HELZ: variants seen among roughly 807,000 people sequenced by gnomAD.
HELZ encodes the protein helicase with zinc finger.
HELZ carries 23 observed loss-of-function variants against 218.2 expected under a neutral mutation model. The ratio of observed to expected loss-of-function variants is 0.11; its 90% CI spans 0.08 to 0.15. The LOEUF is 0.15. Ranked by LOEUF, HELZ falls within the 10% of genes least tolerant of loss-of-function variation. The pLI is 1.00. For missense variants in HELZ, 1,813 were observed against 2,353.7 expected (o/e 0.77, Z 4.75); for synonymous variants, 814 against 829.4 (o/e 0.98, Z 0.32).
At chr17:67,207,404 G>C (rs185407200) in intron 5 of HELZ, among the ~76,000 whole-genome samples, 27 of 151,446 alleles carry the variant, frequency 1.8e-4, no homozygotes, top group Admixed American at 5.3e-4. Context: ...ATTTTTAGTA[G>C]AGACAGGTCT....
intron 31 of HELZ, among the ~76,000 whole-genome samples, chr17:67,089,694 G>GAGAGAGAGAGAGAC (rs776184027): frequency 0.027 from 2,693 of 99,482 alleles, 58 homozygotes; most frequent in East Asian, 0.084. Context: ...GAGAGAGAGA[G>GAGAGAGAGAGAGAC]AGAGAGACAG....
At chr17:67,160,435 A>C in intron 16 of HELZ, 73 bp from the exon 17 acceptor site, 3 of 985,790 alleles carry the variant, frequency 3.0e-6, no homozygotes, top group Non-Finnish European at 4.7e-6. Context: ...ATACCAAAAA[A>C]AAAAGCAGTG....
chr17:67,240,123 T>C (rs146585533), intron 2 of HELZ, among the ~76,000 whole-genome samples: 102 of 152,356 alleles, frequency 6.7e-4, no homozygotes, highest in African/African-American at 2.4e-3. Flanking sequence ...AAGAACTAAC[T>C]GTTTTCATGT....
chr17:67,218,667 C>G lies in HELZ; in HGVS notation c.138G>C (p.Gly46=). The change falls in exon 4 of 33, where the codon GGG becomes GGC. Residue 46 remains glycine, a synonymous_variant. Coordinates refer to ENST00000358691, the MANE Select transcript of HELZ (RefSeq NM_014877.4). The part of the protein sequence containing the change: ...LGQYSMADFT[G]PCPLEIERIK... Reference sequence around the variant, plus strand: ...TGCGTTCTATTTCCAATGGACAAGGCCCTGTGAAGTCTGCCATGGAGTACT... The same window carrying G: ...TGCGTTCTATTTCCAATGGACAAGGGCCTGTGAAGTCTGCCATGGAGTACT... 6.2e-7 allele frequency: 1 copy of G among 1,614,166 alleles called. No homozygotes were observed. Among genetic ancestry groups the G allele is most frequent in the Non-Finnish European group, 8.5e-7 (1 of 1,180,036 alleles).
At chr17:67,135,603 T>G (rs574183449) in intron 23 of HELZ, among the ~76,000 whole-genome samples, 3 of 152,304 alleles carry the variant, frequency 2.0e-5, no homozygotes, top group African/African-American at 7.2e-5. Flanking sequence ...TATATAATAT[T>G]CCTATTTAGT....
In HELZ at chr17:67,078,031, C is replaced by A; in HGVS notation, c.*221G>T. ...ACACAAATTTAAAAATTTTTTTATTCTACATAAAAGCTGTCAAAGTTTTGA... is the reference window on the plus strand; with the variant it reads ...ACACAAATTTAAAAATTTTTTTATTATACATAAAAGCTGTCAAAGTTTTGA... On this transcript the variant is annotated 3_prime_UTR_variant, in exon 33 of 33. Coordinates refer to ENST00000358691, the MANE Select transcript of HELZ (RefSeq NM_014877.4). The A allele has an allele frequency of 5.9e-6, 2 of 337,618 alleles. No homozygotes were observed. Among genetic ancestry groups the A allele is most frequent in the Non-Finnish European group, 5.3e-6 (1 of 189,272 alleles). The allele number at this position is 337,618 out of a possible 1,614,324, so 20.9% of individuals were successfully genotyped here. A position where few individuals can be genotyped will look rare whatever the true frequency, so the allele number is the denominator to read the frequency against.
intron 11 of HELZ, among the ~76,000 whole-genome samples, 194 bp downstream of exon 11, chr17:67,189,395 T>C (rs927257685): frequency 6.6e-6 from 1 of 152,178 alleles, no homozygotes; most frequent in Non-Finnish European, 1.5e-5. Flanking sequence ...AAAGATCTCA[T>C]CTAAAAGTAT....
chr17:67,122,830 C>T (rs944304555), intron 26 of HELZ, 140 bp downstream of exon 26: 1 of 575,728 alleles, frequency 1.7e-6, no homozygotes, highest in Non-Finnish European at 3.1e-6. Context: ...TTAGAGGTAA[C>T]ATTTGCTTTA....
chr17:67,181,668 C>T (rs1376016754), intron 12 of HELZ, among the ~76,000 whole-genome samples: 1 of 151,428 alleles, frequency 6.6e-6, no homozygotes, highest in Admixed American at 6.6e-5. Flanking sequence ...ACTTTAAACA[C>T]AGTGCAGGGG....
intron 5 of HELZ, among the ~76,000 whole-genome samples, chr17:67,205,324 C>CAA (rs750485034): frequency 1.7e-5 from 2 of 120,328 alleles, no homozygotes; most frequent in Non-Finnish European, 3.6e-5. Flanking sequence ...GAAACTGTCT[C>CAA]AAAAAAAAAA....
rs990869264 is a variant in HELZ at position 67,166,707 on chromosome 17, A to G, written c.1765-99T>C. ...TGGGAGGAATCTGTTTGGGACAGTA[A>G]GTTTAGAGATTCTTTTAAAGTATAA... On this transcript the variant is annotated intron_variant, in intron 14 of 32. Transcript: ENST00000358691. 5 of 940,206 alleles carry G rather than the reference A, an allele frequency of 5.3e-6. No individual in the cohort carries two copies. The South Asian group carries it at 7.8e-5, about 15-fold the overall frequency. 58.2% of individuals were successfully genotyped at this position (940,206 alleles called of 1,614,324 possible). A position where few individuals can be genotyped will look rare whatever the true frequency, so the allele number is the denominator to read the frequency against.
In HELZ at chr17:67,149,963, T is replaced by C. The variant is rs762762899; in HGVS notation, c.2379A>G (p.Leu793=). 1 of 1,609,626 alleles carries C rather than the reference T, an allele frequency of 6.2e-7. No individual in the cohort carries two copies. Among genetic ancestry groups the C allele is most frequent in the East Asian group, 2.2e-5 (1 of 44,672 alleles). ...LEPGFFTHIL[L]DEAAQAMECE... ...ACTCCATGGCCTGGGCAGCTTCATCTAATAGAATGTGTGTAAAAAACCCTA... is the reference window on the plus strand; with the variant it reads ...ACTCCATGGCCTGGGCAGCTTCATCCAATAGAATGTGTGTAAAAAACCCTA... Residue 793 remains leucine (L), a synonymous_variant, in exon 19 of 33, where the codon TTA becomes TTG. Transcript: ENST00000358691.
At chr17:67,163,985 A>T (rs1409208798) in intron 15 of HELZ, among the ~76,000 whole-genome samples, 1 of 152,210 alleles carries the variant, frequency 6.6e-6, no homozygotes, top group Non-Finnish European at 1.5e-5. Flanking sequence ...TACATCATAT[A>T]CAATGTAATT....
At chr17:67,244,912 G>A in intron 1 of HELZ, 4 of 985,978 alleles carry the variant, frequency 4.1e-6, no homozygotes, top group African/African-American at 3.5e-5. Flanking sequence ...GGGCCCCAGC[G>A]GAGGGGAAGG....
At position 67,167,662 on chromosome 17, in the gene HELZ, A is replaced by G. The variant is rs1186018989; in HGVS notation, c.1565T>C (p.Leu522Ser). ...KLTETLSEDT[L>S]AGRLVMTKVN... ...TTTGGTCATCACCAGTCGTCCAGCCAAAGTATCTTCAGAAAGTGTTTCAGT... is the reference window on the plus strand; with the variant it reads ...TTTGGTCATCACCAGTCGTCCAGCCGAAGTATCTTCAGAAAGTGTTTCAGT... Residue 522 changes from leucine (L) to serine (S), a missense_variant, in exon 14 of 33, where the codon TTG (leucine) becomes TCG (serine). By Grantham distance (145) the Leu-to-Ser change is moderately radical. Transcript: ENST00000358691. The G allele has an allele frequency of 1.2e-6, 2 of 1,614,218 alleles. No individual in the cohort carries two copies. Among genetic ancestry groups the G allele is most frequent in the Admixed American group, 1.7e-5 (1 of 60,032 alleles).
At chr17:67,223,790 A>G (rs2040816146) in intron 3 of HELZ, among the ~76,000 whole-genome samples, 1 of 152,216 alleles carries the variant, frequency 6.6e-6, no homozygotes, top group Admixed American at 6.5e-5. Context: ...TCAAAGGAAC[A>G]TAAAACACTA....
intron 27 of HELZ, 82 bp from the exon 28 acceptor site, chr17:67,114,485 G>C (rs2037373127): frequency 4.9e-6 from 4 of 817,570 alleles, no homozygotes; most frequent in Non-Finnish European, 8.2e-6. Context: ...TAGAGAAAGA[G>C]GCAGAATACT....
chr17:67,123,362 A>G (rs2037677966), intron 25 of HELZ, among the ~76,000 whole-genome samples: 1 of 152,240 alleles, frequency 6.6e-6, no homozygotes, highest in Non-Finnish European at 1.5e-5. Context: ...AACTTGAATT[A>G]TACAAAGCAT....
intron 12 of HELZ, chr17:67,179,532 C>T (rs910582855): frequency 6.6e-6 from 1 of 152,090 alleles, no homozygotes; most frequent in African/African-American, 2.4e-5. Flanking sequence ...GGTTAGCCTT[C>T]GTTAAATTAT....
Sources: gnomAD v4.1 joint callset for allele counts (sites outside exome capture counted in the v4.1 genomes callset) on GRCh38, gnomAD v4.1.1 for gene constraint, MANE v1.5 for transcripts, NCBI Gene and HGNC (gene_info 2026-07-23, HGNC 2026-07-21) for gene names.